RORA: variants seen among roughly 807,000 people sequenced by gnomAD.
The protein encoded by RORA is nuclear receptor ROR-alpha.
RORA carries 7 observed loss-of-function variants against 69.5 expected under a neutral mutation model. That is an observed-to-expected ratio of 0.10 (90% CI 0.06 to 0.19). The LOEUF (loss-of-function observed/expected upper bound fraction) is 0.19, where lower values mean the gene tolerates loss of function less well. Ranked by LOEUF, RORA falls within the 10% of genes least tolerant of loss-of-function variation. The pLI, the probability that RORA is intolerant of heterozygous loss-of-function variation, is 1.00. For missense variants in RORA, 457 were observed against 663.0 expected (o/e 0.69, Z 3.41); for synonymous variants, 261 against 240.8 (o/e 1.08, Z -0.78).
At chr15:61,028,054 C>A (rs1296949916) in intron 1 of RORA, among the ~76,000 whole-genome samples, 1 of 151,960 alleles carries the variant, frequency 6.6e-6, no homozygotes, top group Non-Finnish European at 1.5e-5. Flanking sequence ...TTTTTTTCCC[C>A]AAATACTGAC....
intron 1 of RORA, among the ~76,000 whole-genome samples, chr15:61,119,369 T>A (rs2079080679): frequency 7.0e-6 from 1 of 143,386 alleles, no homozygotes; most frequent in Admixed American, 7.4e-5. Context: ...GCCTAAGGTT[T>A]TAAATTTTTT....
intron 1 of RORA, among the ~76,000 whole-genome samples, chr15:60,792,996 C>T (rs912013974): frequency 2.0e-5 from 3 of 151,900 alleles, no homozygotes; most frequent in Admixed American, 2.0e-4. Flanking sequence ...TTTCCTGCTC[C>T]CTTCCTCCCC....
rs200401959 is a variant in RORA at position 60,543,170 on chromosome 15, CTTTTTTTTTT to C, written c.197-11329_197-11320del. The stretch of plus-strand genomic sequence containing the variant: ...TAGGAATTAAGGATGAAAGTGAAAA[CTTTTTTTTTT>C]TTTTTTTTTTTTTTTTTTTTTTTTT... On this transcript the variant is annotated intron_variant, in intron 2 of 10. Transcript: ENST00000335670. Among the ~76,000 whole-genome samples the C allele has an allele frequency of 5.7e-3, 715 of 124,986 alleles. 39 individuals are homozygous for C. The highest frequency in any genetic ancestry group is 0.016 in the African/African-American group (395 of 24,724). 82.0% of individuals were successfully genotyped at this position (124,986 alleles called of 152,430 possible). A position where few individuals can be genotyped will look rare whatever the true frequency, so the allele number is the denominator to read the frequency against.
chr15:60,530,915 G>A (rs1327170911), intron 3 of RORA: 1 of 151,998 alleles, frequency 6.6e-6, no homozygotes, highest in African/African-American at 2.4e-5. Context: ...GCTGTCTCGA[G>A]GCCCTTCCAA....
chr15:60,759,757 C>T (rs1208249412), intron 1 of RORA, among the ~76,000 whole-genome samples: 4 of 152,116 alleles, frequency 2.6e-5, no homozygotes, highest in Non-Finnish European at 5.9e-5. Flanking sequence ...TTCATTTTCC[C>T]TTCTACCTAC....
chr15:60,670,211 TTTC>T (rs1279037254), intron 2 of RORA, among the ~76,000 whole-genome samples: 3 of 99,714 alleles, frequency 3.0e-5, no homozygotes, highest in African/African-American at 9.0e-5. Context: ...CTTTTTTTTT[TTTC>T]TTTTTTTTTT....
intron 1 of RORA, among the ~76,000 whole-genome samples, chr15:60,794,714 T>C (rs2072466899): frequency 6.6e-6 from 1 of 152,242 alleles, no homozygotes; most frequent in East Asian, 1.9e-4. Context: ...TGGCCACTGT[T>C]TGTTGAATAA....
chr15:61,225,593 G>C (rs1292598911), intron 1 of RORA, among the ~76,000 whole-genome samples: 2 of 152,156 alleles, frequency 1.3e-5, no homozygotes, highest in South Asian at 2.1e-4. Context: ...TTTTGGTTTC[G>C]ATTTTTCCCT....
intron 1 of RORA, among the ~76,000 whole-genome samples, chr15:60,973,757 G>C (rs1449398875): frequency 6.6e-6 from 1 of 152,212 alleles, no homozygotes; most frequent in East Asian, 1.9e-4. Context: ...GGCACTCAAG[G>C]TCTGGGAACG....
intron 2 of RORA, among the ~76,000 whole-genome samples, chr15:60,618,879 T>C (rs896552683): frequency 6.6e-6 from 1 of 152,196 alleles, no homozygotes; most frequent in Non-Finnish European, 1.5e-5. Flanking sequence ...GTTTTTCCCA[T>C]CTGCCTTAAC....
At chr15:60,590,170 CCTCTATCT>C (rs2068455310) in intron 2 of RORA, among the ~76,000 whole-genome samples, 1 of 101,566 alleles carries the variant, frequency 9.8e-6, no homozygotes, top group African/African-American at 5.3e-5. Flanking sequence ...TCTCCCTCTT[CCTCTATCT>C]CTCTCTCTCT....
Position 60,491,977 on chromosome 15 carries a change from T to G in RORA, c.*5478A>C, listed in dbSNP as rs2065048546. Reference sequence around the variant, plus strand: ...ATAAAGTTGTTTTCATGGGGTTCTATATCATAACTTTATAAGAAGTGGCAA... The same window carrying G: ...ATAAAGTTGTTTTCATGGGGTTCTAGATCATAACTTTATAAGAAGTGGCAA... On this transcript the variant is annotated 3_prime_UTR_variant, in exon 11 of 11. Coordinates refer to ENST00000335670, the MANE Select transcript of RORA (RefSeq NM_134261.3). 1 of 149,994 alleles carries G rather than the reference T, an allele frequency of 6.7e-6. No homozygotes were observed. Among genetic ancestry groups the G allele is most frequent in the South Asian group, 2.1e-4 (1 of 4,666 alleles). 9.3% of individuals were successfully genotyped at this position (149,994 alleles called of 1,614,324 possible).
rs547368113 is a variant in RORA at position 60,777,630 on chromosome 15, C to T, written c.167-98944G>A. On this transcript the variant is annotated intron_variant, in intron 1 of 10. Coordinates refer to ENST00000335670, the MANE Select transcript of RORA (RefSeq NM_134261.3). ...CCCTATCACTGTGGGCTGCAGTCCC[C>T]AGATGGATTACACCTTCATTTTAAC... Among the ~76,000 whole-genome samples the T allele has an allele frequency of 4.6e-5, 7 of 152,290 alleles. No homozygotes were observed. The East Asian group carries it at 1.3e-3, about 29-fold the overall frequency.
chr15:60,937,580 G>C (rs1278624512), intron 1 of RORA, among the ~76,000 whole-genome samples: 1 of 152,194 alleles, frequency 6.6e-6, no homozygotes, highest in Non-Finnish European at 1.5e-5. Context: ...GGTCCTTAGA[G>C]CTCATTCTCA....
chr15:60,811,643 A>C (rs1280593237), intron 1 of RORA, among the ~76,000 whole-genome samples: 1 of 152,232 alleles, frequency 6.6e-6, no homozygotes, highest in African/African-American at 2.4e-5. Flanking sequence ...ATACAGAAAC[A>C]TTCTTTGAAA....
Position 60,591,175 on chromosome 15 carries a change from A to C in RORA, c.197-59324T>G, listed in dbSNP as rs375337615. ...GTCTGGGTCTGCACAATTGCTGCGC[A>C]TTAGGGAAGCCGCGTCCGCCGCAAA... On this transcript the variant is annotated intron_variant, in intron 2 of 10. Coordinates refer to ENST00000335670, the MANE Select transcript of RORA (RefSeq NM_134261.3). 5.3e-5 allele frequency among the ~76,000 whole-genome samples: 8 copies of C among 152,186 alleles called. No homozygotes were observed. In the East Asian group the frequency reaches 1.5e-3, roughly 29 times the overall value.
rs577757239 is a variant in RORA at position 60,860,889 on chromosome 15, C to T, written c.167-182203G>A. 1.1e-4 allele frequency among the ~76,000 whole-genome samples: 16 copies of T among 152,260 alleles called. No individual in the cohort carries two copies. The East Asian group carries it at 3.1e-3, about 29-fold the overall frequency. ...TCTTTTCAAATATTTAATGACCATC[C>T]ACTGCGTCCCAGAAGTTGCCAGGCC... On this transcript the variant is annotated intron_variant, in intron 1 of 10. Coordinates refer to ENST00000335670, the MANE Select transcript of RORA (RefSeq NM_134261.3).
chr15:60,897,462 T>C lies in RORA; in HGVS notation c.167-218776A>G, dbSNP rs1891261042. Among the ~76,000 whole-genome samples, 3 of 152,300 alleles carry C rather than the reference T, an allele frequency of 2.0e-5. No homozygotes were observed. In the East Asian group the frequency reaches 5.8e-4, roughly 29 times the overall value. On this transcript the variant is annotated intron_variant, in intron 1 of 10. Transcript: ENST00000335670. ...GAGGGGTGTAAATACGAGGTAAATATGTAAAGAAAAGCATGAACCAATGAC... is the reference window on the plus strand; with the variant it reads ...GAGGGGTGTAAATACGAGGTAAATACGTAAAGAAAAGCATGAACCAATGAC...
At chr15:60,564,393 TTTAC>T (rs2067658077) in intron 2 of RORA, among the ~76,000 whole-genome samples, 1 of 152,204 alleles carries the variant, frequency 6.6e-6, no homozygotes, top group Non-Finnish European at 1.5e-5. Flanking sequence ...CATAATGCTC[TTTAC>T]ATTTGGCCCA....
Sources: allele counts gnomAD v4.1 joint callset (sites outside exome capture counted in the v4.1 genomes callset), GRCh38; gene constraint gnomAD v4.1.1; transcripts MANE v1.5; gene names NCBI Gene and HGNC (gene_info 2026-07-23, HGNC 2026-07-21).